EFNA5: variants seen among roughly 807,000 people sequenced by gnomAD.
EFNA5 encodes the protein ephrin-A5.
A neutral mutation model predicts 22.9 loss-of-function variants in EFNA5; 5 were observed. That is an observed-to-expected ratio of 0.22 (90% CI 0.11 to 0.46). The LOEUF (loss-of-function observed/expected upper bound fraction) is 0.46. Among genes scored for constraint, EFNA5 ranks in the 20% least tolerant of loss-of-function variants. The pLI, the probability that EFNA5 is intolerant of heterozygous loss-of-function variation, is 0.99. For missense variants in EFNA5, 237 were observed against 293.3 expected (o/e 0.81, Z 1.40); for synonymous variants, 113 against 112.2 (o/e 1.01, Z -0.04).
chr5:107,579,435 G>A (rs911448733), intron 1 of EFNA5, among the ~76,000 whole-genome samples: 4 of 152,090 alleles, frequency 2.6e-5, no homozygotes, highest in African/African-American at 9.7e-5. Context: ...ACTCAGGTCT[G>A]CTGCTGAAGT....
rs891631126 is a variant in EFNA5 at position 107,525,807 on chromosome 5, G to A, written c.126-98298C>T. On this transcript the variant is annotated intron_variant, in intron 1 of 4. Transcript: ENST00000333274. ...TGAAGGGGAGGCAGGAGAGGCAGGC[G>A]CACACAGTTTAACTTTTATTGAAAA... 7.9e-5 allele frequency among the ~76,000 whole-genome samples: 12 copies of A among 151,930 alleles called. 1 individual carries two copies. In the South Asian group the frequency reaches 1.5e-3, roughly 18 times the overall value.
intron 1 of EFNA5, among the ~76,000 whole-genome samples, chr5:107,615,909 A>T (rs1202262649): frequency 1.3e-5 from 2 of 152,226 alleles, no homozygotes; most frequent in African/African-American, 2.4e-5. Flanking sequence ...AGATAAATAG[A>T]CTATGGTTAA....
intron 1 of EFNA5, among the ~76,000 whole-genome samples, chr5:107,590,566 AT>A (rs764621262): frequency 2.0e-5 from 3 of 150,756 alleles, no homozygotes; most frequent in Admixed American, 6.6e-5. Context: ...TTTTTTTTCT[AT>A]TTTTTTGTGG....
At chr5:107,561,779 G>T (rs1344621969) in intron 1 of EFNA5, among the ~76,000 whole-genome samples, 1 of 152,078 alleles carries the variant, frequency 6.6e-6, no homozygotes. Flanking sequence ...AACAGATAGT[G>T]GACATTAAGT....
chr5:107,604,417 T>C (rs952126521), intron 1 of EFNA5, among the ~76,000 whole-genome samples: 1 of 152,140 alleles, frequency 6.6e-6, no homozygotes, highest in East Asian at 1.9e-4. Flanking sequence ...GTGGCTTTCA[T>C]GTCTTACTTC....
intron 1 of EFNA5, among the ~76,000 whole-genome samples, chr5:107,448,850 T>TAAATAA (rs1749468421): frequency 8.5e-6 from 1 of 116,960 alleles, no homozygotes; most frequent in African/African-American, 3.8e-5. Flanking sequence ...AATAAATAAA[T>TAAATAA]AAATAAATAA....
chr5:107,466,694 A>G lies in EFNA5; in HGVS notation c.126-39185T>C, dbSNP rs1275877066. ...ACTCACTCGGTGTCTACAAGAGGAG[A>G]TAAGGCAAGCTCACAAATCCCTAGT... On this transcript the variant is annotated intron_variant, in intron 1 of 4. Coordinates refer to ENST00000333274, the MANE Select transcript of EFNA5 (RefSeq NM_001962.3). Among the ~76,000 whole-genome samples, 4 of 152,298 alleles carry G rather than the reference A, an allele frequency of 2.6e-5. No individual in the cohort carries two copies. The East Asian group carries it at 7.7e-4, about 29-fold the overall frequency.
chr5:107,419,380 AC>A (rs1422344492), intron 2 of EFNA5, among the ~76,000 whole-genome samples: 1 of 152,196 alleles, frequency 6.6e-6, no homozygotes, highest in Non-Finnish European at 1.5e-5. Context: ...TTCACTAAAG[AC>A]CTGTGGGAGT....
At chr5:107,640,175 G>A (rs1465053253) in intron 1 of EFNA5, among the ~76,000 whole-genome samples, 6 of 152,134 alleles carry the variant, frequency 3.9e-5, no homozygotes, top group Admixed American at 6.5e-5. Context: ...CTGGGTAACG[G>A]AAACTTTGGG....
chr5:107,631,447 G>A (rs890140258), intron 1 of EFNA5, among the ~76,000 whole-genome samples: 7 of 151,340 alleles, frequency 4.6e-5, no homozygotes, highest in Non-Finnish European at 8.8e-5. Flanking sequence ...TACAAATTTT[G>A]CCTATGGTAA....
intron 2 of EFNA5, among the ~76,000 whole-genome samples, chr5:107,401,463 A>G (rs909402406): frequency 2.0e-5 from 3 of 152,224 alleles, no homozygotes; most frequent in Admixed American, 6.5e-5. Context: ...CCAGTTTTAA[A>G]AAGATTAAAA....
intron 1 of EFNA5, among the ~76,000 whole-genome samples, chr5:107,556,499 A>T (rs1462964288): frequency 6.6e-6 from 1 of 152,166 alleles, no homozygotes; most frequent in African/African-American, 2.4e-5. Flanking sequence ...TGATCCCAGC[A>T]CTTTGGGAGG....
At chr5:107,449,029 C>T (rs981470472) in intron 1 of EFNA5, among the ~76,000 whole-genome samples, 2 of 151,916 alleles carry the variant, frequency 1.3e-5, no homozygotes, top group South Asian at 2.1e-4. Context: ...AATACTTCCC[C>T]TATACCTCAG....
chr5:107,457,967 T>C (rs939131082), intron 1 of EFNA5, among the ~76,000 whole-genome samples: 1 of 152,136 alleles, frequency 6.6e-6, no homozygotes, highest in Non-Finnish European at 1.5e-5. Context: ...CAAAGAGAGA[T>C]TTTAGAACGT....
intron 1 of EFNA5, among the ~76,000 whole-genome samples, chr5:107,599,665 C>T (rs1279878085): frequency 1.3e-5 from 2 of 152,152 alleles, no homozygotes; most frequent in African/African-American, 4.8e-5. Context: ...AATATCACTG[C>T]AGTCTAGAAA....
chr5:107,563,081 T>A (rs1748585213), intron 1 of EFNA5, among the ~76,000 whole-genome samples: 1 of 151,932 alleles, frequency 6.6e-6, no homozygotes, highest in Admixed American at 6.6e-5. Context: ...GATGCATGGG[T>A]TTTCTCAAAG....
chr5:107,489,666 C>CCT (rs1423920544), intron 1 of EFNA5, among the ~76,000 whole-genome samples: 1 of 147,592 alleles, frequency 6.8e-6, no homozygotes, highest in African/African-American at 2.5e-5. Flanking sequence ...ACCTACCCCC[C>CCT]CCACCAAGAT....
chr5:107,558,275 T>C (rs914821242), intron 1 of EFNA5, among the ~76,000 whole-genome samples: 2 of 152,080 alleles, frequency 1.3e-5, no homozygotes, highest in African/African-American at 4.8e-5. Flanking sequence ...GTTTTTTTTT[T>C]GTTGTTTATT....
rs985900710 is a variant in EFNA5 at position 107,398,952 on chromosome 5, G to A, written c.419-11181C>T. ...ATTAGGACACAAAAGTGAAGAGAGG[G>A]GTAGTGGTAAATGTCAAAGAAATTA... On this transcript the variant is annotated intron_variant, in intron 2 of 4. Coordinates refer to ENST00000333274, the MANE Select transcript of EFNA5 (RefSeq NM_001962.3). Among the ~76,000 whole-genome samples the A allele has an allele frequency of 1.3e-4, 19 of 151,922 alleles. 1 individual carries two copies. The highest frequency in any genetic ancestry group is 7.2e-4 in the Admixed American group (11 of 15,248).
Sources: allele counts gnomAD v4.1 joint callset (sites outside exome capture counted in the v4.1 genomes callset), GRCh38; gene constraint gnomAD v4.1.1; transcripts MANE v1.5; gene names NCBI Gene and HGNC (gene_info 2026-07-23, HGNC 2026-07-21).